The following DPH6 variants were observed in gnomAD, a reference collection of about 807,000 sequenced individuals.
DPH6 encodes the protein diphthine--ammonia ligase.
Under a neutral mutation model 38.2 loss-of-function variants are expected in DPH6, and 33 were observed. The ratio of observed to expected loss-of-function variants is 0.86; its 90% CI spans 0.65 to 1.15. The LOEUF (loss-of-function observed/expected upper bound fraction) is 1.15. Among genes scored for constraint, DPH6 ranks in the 50% most tolerant of loss-of-function variants. DPH6 has a pLI of 0.00. For synonymous variants in DPH6, 108 were observed against 103.0 expected (o/e 1.05, Z -0.30); for missense variants, 325 against 320.0 (o/e 1.02, Z -0.12).
chr15:35,315,426 T>C (rs1267353456), intron 3 of DPH6, among the ~76,000 whole-genome samples: 1 of 152,236 alleles, frequency 6.6e-6, no homozygotes, highest in Admixed American at 6.5e-5. Context: ...AAAGATGTGT[T>C]TGAGCATAGT....
At chr15:35,386,835 CTTTAG>C (rs2052967582) in intron 6 of DPH6, among the ~76,000 whole-genome samples, 1 of 152,148 alleles carries the variant, frequency 6.6e-6, no homozygotes, top group South Asian at 2.1e-4. Context: ...TGCAGAAGCT[CTTTAG>C]TTTAATTAGA....
intron 3 of DPH6, among the ~76,000 whole-genome samples, chr15:35,343,021 A>G (rs745625459): frequency 1.3e-5 from 2 of 152,160 alleles, no homozygotes; most frequent in African/African-American, 2.4e-5. Flanking sequence ...ATAGCATGTC[A>G]TCCATATATA....
chr15:35,406,951 G>T (rs16960860), intron 6 of DPH6, among the ~76,000 whole-genome samples: 17,447 of 151,922 alleles, frequency 0.11, 1,080 homozygotes, highest in Middle Eastern at 0.21. Context: ...AGGCTATGGA[G>T]GGAACCACAA....
chr15:35,499,273 T>C (rs2054595196), intron 3 of DPH6, among the ~76,000 whole-genome samples: 1 of 152,208 alleles, frequency 6.6e-6, no homozygotes, highest in Admixed American at 6.5e-5. Context: ...TAAATTATTC[T>C]AAGGTCAGGA....
At chr15:35,304,586 T>C (rs1376331841) in intron 3 of DPH6, among the ~76,000 whole-genome samples, 1 of 152,112 alleles carries the variant, frequency 6.6e-6, no homozygotes, top group Non-Finnish European at 1.5e-5. Flanking sequence ...CAAATCCAGT[T>C]ATCAATTCAT....
At chr15:35,228,869 AT>A in intron 3 of DPH6, among the ~76,000 whole-genome samples, 1 of 152,252 alleles carries the variant, frequency 6.6e-6, no homozygotes, top group South Asian at 2.1e-4. Context: ...TAAATATGTC[AT>A]GCCACTCTCT....
chr15:35,196,422 G>A, the DPH6 span, among the ~76,000 whole-genome samples: 12 of 152,202 alleles, frequency 7.9e-5, no homozygotes, highest in African/African-American at 2.6e-4. Context: ...AGTAGAGTTC[G>A]GACTACCCAC....
intron 3 of DPH6, among the ~76,000 whole-genome samples, chr15:35,500,645 C>T (rs1595421517): frequency 1.3e-5 from 2 of 152,102 alleles, no homozygotes; most frequent in East Asian, 3.9e-4. Flanking sequence ...CAGGGCTACC[C>T]AAATATGGGC....
chr15:35,376,488 A>C (rs1166409846), intron 7 of DPH6, among the ~76,000 whole-genome samples: 2 of 152,144 alleles, frequency 1.3e-5, no homozygotes, highest in African/African-American at 4.8e-5. Context: ...TAGCTGTCAT[A>C]ATGTTGTAGC....
At chr15:35,397,882 C>CACACAT (rs2053165234) in intron 6 of DPH6, among the ~76,000 whole-genome samples, 1 of 148,522 alleles carries the variant, frequency 6.7e-6, no homozygotes, top group African/African-American at 2.6e-5. Context: ...CACACACACA[C>CACACAT]ACACACACAC....
chr15:35,237,682 C>T, intron 3 of DPH6: 2 of 1,613,798 alleles, frequency 1.2e-6, no homozygotes, highest in Non-Finnish European at 1.7e-6. Flanking sequence ...AGAGCTTAGA[C>T]CTTTTCAATT....
intron 7 of DPH6, among the ~76,000 whole-genome samples, chr15:35,376,298 C>T (rs1000294262): frequency 6.6e-6 from 1 of 152,134 alleles, no homozygotes; most frequent in Non-Finnish European, 1.5e-5. Flanking sequence ...AGTATCCTCA[C>T]AATTACACAC....
rs1230079388 is a variant in DPH6 at position 35,346,136 on chromosome 15, AAAAC to A, written n.208-15063_208-15060del. 2.6e-5 allele frequency among the ~76,000 whole-genome samples: 4 copies of A among 152,054 alleles called. No individual in the cohort carries two copies. The East Asian group carries it at 7.7e-4, about 29-fold the overall frequency. On this transcript the variant is annotated intron_variant and non_coding_transcript_variant, in intron 3 of 3. Transcript: ENST00000558973. The stretch of plus-strand genomic sequence containing the variant: ...AAAAGGACATGCAGTCATCTTTTCC[AAAAC>A]ATTTCCAACAGAAATGCTGGTTATA...
At chr15:35,407,852 T>C (rs1201571268) in intron 6 of DPH6, among the ~76,000 whole-genome samples, 3 of 152,016 alleles carry the variant, frequency 2.0e-5, no homozygotes, top group Non-Finnish European at 4.4e-5. Context: ...ATGCTGATCG[T>C]ACAGGGTCTC....
At chr15:35,475,426 A>C (rs1379014866) in intron 3 of DPH6, among the ~76,000 whole-genome samples, 1 of 151,958 alleles carries the variant, frequency 6.6e-6, no homozygotes, top group Non-Finnish European at 1.5e-5. Context: ...TTGAGAACCT[A>C]ATCAGAGCCA....
rs1491101707 is a variant in DPH6, at chr15:35,436,509, C to CAAAAAAAAA, written c.505+14175_505+14176insTTTTTTTTT. On this transcript the variant is annotated intron_variant, in intron 5 of 8. Coordinates refer to ENST00000256538, the MANE Select transcript of DPH6 (RefSeq NM_080650.4). The stretch of plus-strand genomic sequence containing the variant: ...CAAAACAAAACAAAACAAAACAAAA[C>CAAAAAAAAA]AAAACAAAAAAGGTTCTCTCCCTGT... Among the ~76,000 whole-genome samples the CAAAAAAAAA allele has an allele frequency of 1.2e-3, 129 of 107,546 alleles. 37 individuals are homozygous for CAAAAAAAAA. The highest frequency in any genetic ancestry group is 3.7e-3 in the South Asian group (11 of 2,994). 70.6% of individuals were successfully genotyped at this position (107,546 alleles called of 152,430 possible).
the DPH6 span, among the ~76,000 whole-genome samples, chr15:35,165,499 A>G: frequency 2.0e-5 from 3 of 151,884 alleles, no homozygotes; most frequent in African/African-American, 4.8e-5. Context: ...TCCAAATTCC[A>G]TAACTATAGG....
intron 3 of DPH6, among the ~76,000 whole-genome samples, chr15:35,535,140 A>C (rs2055150050): frequency 6.6e-6 from 1 of 152,138 alleles, no homozygotes; most frequent in Admixed American, 6.6e-5. Flanking sequence ...AGGAGAAACA[A>C]CACTCAATAC....
intron 3 of DPH6, among the ~76,000 whole-genome samples, chr15:35,296,055 T>C (rs1273385964): frequency 6.6e-6 from 1 of 152,018 alleles, no homozygotes; most frequent in African/African-American, 2.4e-5. Flanking sequence ...TTCTCTTGCC[T>C]CAGCCTCCCA....
Sources: gnomAD v4.1 joint callset for allele counts (sites outside exome capture counted in the v4.1 genomes callset) on GRCh38, gnomAD v4.1.1 for gene constraint, MANE v1.5 for transcripts, NCBI Gene and HGNC (gene_info 2026-07-23, HGNC 2026-07-21) for gene names.